Variants in ATP7A observed in about 807,000 individuals in gnomAD.
ATP7A encodes the protein ATPase copper transporting alpha.
A neutral mutation model predicts 83.5 loss-of-function variants in ATP7A; 7 were observed. The observed-to-expected ratio is 0.08, with a 90% CI of 0.05 to 0.16. The LOEUF (loss-of-function observed/expected upper bound fraction) is 0.16. Ranked by LOEUF, ATP7A falls within the 10% of genes least tolerant of loss-of-function variation. ATP7A has a pLI of 1.00. For missense variants in ATP7A, 940 were observed against 1,120.8 expected, an observed-to-expected ratio of 0.84 and a Z score of 2.30; for synonymous variants, 354 against 395.2, an observed-to-expected ratio of 0.90 and a Z score of 1.24.
intron 17 of ATP7A, among the ~76,000 whole-genome samples, chrX:78,037,670 A>T (rs1322728299): frequency 1.8e-5 from 2 of 112,113 alleles, no homozygotes; most frequent in Non-Finnish European, 3.8e-5. Flanking sequence ...GTATCCTAGA[A>T]GCCAAATGAA....
Position 78,003,178 on chromosome X carries a change from G to C in ATP7A, c.1649G>C (p.Gly550Ala). ...ATAGCAGAGTTCATCCGAGAACTTG[G>C]ATTTGGAGCCACTGTGATAGAAAAT... is the stretch of plus-strand genomic sequence containing the variant. ...PMIAEFIREL[G>A]FGATVIENAD... is the part of the protein sequence containing the mutation. Residue 550 changes from glycine to alanine, a missense_variant, in exon 6 of 23, where the codon GGA becomes GCA. This residue lies in a region of ATP7A where 350 missense variants were observed against 432.8 expected (regional missense o/e 0.81). Transcript: ENST00000341514. 2 of 1,210,770 alleles carry C rather than the reference G, an allele frequency of 1.7e-6. No individual in the cohort carries two copies. Among genetic ancestry groups the C allele is most frequent in the Non-Finnish European group, 2.2e-6 (2 of 894,741 alleles).
intron 5 of ATP7A, among the ~76,000 whole-genome samples, chrX:78,001,594 C>A (rs1339244170): frequency 2.7e-5 from 3 of 111,639 alleles, no homozygotes; most frequent in African/African-American, 9.8e-5. Flanking sequence ...CTTCCCCTTA[C>A]AACCCCCACT....
intron 1 of ATP7A, among the ~76,000 whole-genome samples, chrX:77,928,791 T>C (rs1031844835): frequency 2.7e-5 from 3 of 112,134 alleles, no homozygotes; most frequent in Non-Finnish European, 5.6e-5. Context: ...AAATTGAAGG[T>C]ACACATTCAA....
chrX:77,963,334 TCTTA>T (rs1343043643), intron 1 of ATP7A: 1 of 112,714 alleles, frequency 8.9e-6, no homozygotes, highest in Non-Finnish European at 1.9e-5. Flanking sequence ...CAAATGATTG[TCTTA>T]CTTACTTCGA....
At chrX:77,913,799 A>T (rs1477426603) in intron 1 of ATP7A, among the ~76,000 whole-genome samples, 3 of 111,757 alleles carry the variant, frequency 2.7e-5, no homozygotes, top group African/African-American at 9.7e-5. Context: ...TGAGTCAGTT[A>T]TGTGTACTTT....
intron 1 of ATP7A, among the ~76,000 whole-genome samples, chrX:77,931,970 G>A (rs1397123268): frequency 2.4e-4 from 25 of 104,158 alleles, no homozygotes; most frequent in African/African-American, 8.1e-4. Flanking sequence ...CCTCCCTCCC[G>A]GACGGGGCGG....
At chrX:78,023,881 G>A (rs1266570043) in intron 14 of ATP7A, among the ~76,000 whole-genome samples, 1 of 111,642 alleles carries the variant, frequency 9.0e-6, no homozygotes, top group African/African-American at 3.3e-5. Flanking sequence ...CTAGGATAAT[G>A]TCTAGAAGAG....
chrX:78,042,832 A>G (rs1557238612), intron 20 of ATP7A, 44 bp downstream of exon 20: 2 of 1,131,706 alleles, frequency 1.8e-6, no homozygotes, highest in Non-Finnish European at 1.2e-6. Flanking sequence ...AGACTGCCCT[A>G]TGTGGTCAAT....
intron 14 of ATP7A, among the ~76,000 whole-genome samples, chrX:78,026,733 C>T (rs1220589170): frequency 8.9e-6 from 1 of 111,840 alleles, no homozygotes; most frequent in Non-Finnish European, 1.9e-5. Flanking sequence ...TCAGATCAAG[C>T]GTCTTCCTAG....
At chrX:77,924,474 G>T (rs1185514360) in intron 1 of ATP7A, 2 of 111,201 alleles carry the variant, frequency 1.8e-5, no homozygotes, top group African/African-American at 6.5e-5. Flanking sequence ...AATGATATGG[G>T]CCTTCAGTGA....
intron 1 of ATP7A, among the ~76,000 whole-genome samples, chrX:77,931,385 C>T (rs1389884236): frequency 9.0e-6 from 1 of 111,696 alleles, no homozygotes; most frequent in Non-Finnish European, 1.9e-5. Context: ...TAGTACGGAA[C>T]AAAATGAAAA....
At chrX:77,978,901 G>A (rs1468322740) in intron 2 of ATP7A, among the ~76,000 whole-genome samples, 3 of 110,750 alleles carry the variant, frequency 2.7e-5, no homozygotes, top group Non-Finnish European at 3.8e-5. Flanking sequence ...GTGCGATCTC[G>A]GCTCACTGCA....
At chrX:77,948,433 C>A (rs782658052) in intron 1 of ATP7A, among the ~76,000 whole-genome samples, 8 of 112,128 alleles carry the variant, frequency 7.1e-5, no homozygotes, top group African/African-American at 2.3e-4. Flanking sequence ...GCTAAAAAGT[C>A]TTTTAAAAAA....
At chrX:78,012,858 A>G (rs1349499931) in intron 9 of ATP7A, 21 bp from the exon 10 acceptor site, 3 of 1,149,343 alleles carry the variant, frequency 2.6e-6, no homozygotes, top group Non-Finnish European at 3.6e-6. Flanking sequence ...AAATTCAATG[A>G]TTATCATTCC....
At chrX:77,936,991 A>G (rs1382451484) in intron 1 of ATP7A, among the ~76,000 whole-genome samples, 1 of 112,365 alleles carries the variant, frequency 8.9e-6, no homozygotes, top group Non-Finnish European at 1.9e-5. Flanking sequence ...AAAGCCTCCA[A>G]ATTTAACAAT....
At chrX:77,965,940 A>T (rs2077502674) in intron 1 of ATP7A, among the ~76,000 whole-genome samples, 1 of 112,148 alleles carries the variant, frequency 8.9e-6, no homozygotes, top group African/African-American at 3.2e-5. Flanking sequence ...GAAGAGGAAA[A>T]TCTATACAAG....
chrX:78,007,529 G>A (rs1202166881), intron 6 of ATP7A, among the ~76,000 whole-genome samples: 3 of 111,376 alleles, frequency 2.7e-5, no homozygotes, highest in African/African-American at 9.8e-5. Flanking sequence ...GTTTTACTGT[G>A]TTAGCCAGGA....
At position 78,045,426 on chromosome X, in the gene ATP7A, T is replaced by C. The variant is rs2078077178; in HGVS notation, c.4124-44T>C. The C allele has an allele frequency of 4.2e-6, 4 of 951,603 alleles. No individual in the cohort carries two copies. In the African/African-American group the frequency reaches 5.7e-5, roughly 14 times the overall value. The allele number at this position is 951,603 out of a possible 1,213,427, so 78.4% of individuals were successfully genotyped here. A position where few individuals can be genotyped will look rare whatever the true frequency, so the allele number is the denominator to read the frequency against. On this transcript the variant is annotated intron_variant, in intron 21 of 22. Coordinates refer to ENST00000341514, the MANE Select transcript of ATP7A (RefSeq NM_000052.7). ...GTATGTTAGAAACACATTAATAATC[T>C]GTTTAGTATTATCTACTCTAACTAA...
At chrX:78,030,294 C>T (rs898615569) in intron 15 of ATP7A, among the ~76,000 whole-genome samples, 2 of 110,563 alleles carry the variant, frequency 1.8e-5, no homozygotes, top group Admixed American at 9.6e-5. Flanking sequence ...CGAGTTGGCA[C>T]ACCTGTAATC....
Sources: gnomAD v4.1 joint callset for allele counts (sites outside exome capture counted in the v4.1 genomes callset) on GRCh38, gnomAD v4.1.1 for gene constraint, gnomAD v4.1.1 regional missense constraint, MANE v1.5 for transcripts, NCBI Gene and HGNC (gene_info 2026-07-23, HGNC 2026-07-21) for gene names.